Variants in GKAP1 observed in about 807,000 individuals in gnomAD.
GKAP1 encodes G kinase anchoring protein 1.
A neutral mutation model predicts 56.7 loss-of-function variants in GKAP1; 31 were observed. The observed-to-expected ratio is 0.55, with a 90% CI of 0.41 to 0.74. The LOEUF is 0.74. Among genes scored for constraint, GKAP1 ranks in the 30% least tolerant of loss-of-function variants. The pLI, the probability that GKAP1 is intolerant of heterozygous loss-of-function variation, is 0.00. For missense variants in GKAP1, 364 were observed against 402.3 expected (o/e 0.90, Z 0.82); for synonymous variants, 151 against 138.6 (o/e 1.09, Z -0.63).
At chr9:83,786,664 T>A (rs1944069220) in intron 5 of GKAP1, among the ~76,000 whole-genome samples, 1 of 152,214 alleles carries the variant, frequency 6.6e-6, no homozygotes, top group Admixed American at 6.5e-5. Context: ...TATTGAATAT[T>A]GACTTTTATC....
chr9:83,779,444 T>C (rs527641986), intron 7 of GKAP1, among the ~76,000 whole-genome samples: 1,395 of 82,730 alleles, frequency 0.017, 33 homozygotes, highest in East Asian at 0.032. Flanking sequence ...TATATATATA[T>C]ATATACACAC....
At chr9:83,776,424 G>A (rs889706702) in intron 7 of GKAP1, among the ~76,000 whole-genome samples, 4 of 152,156 alleles carry the variant, frequency 2.6e-5, no homozygotes, top group Non-Finnish European at 4.4e-5. Flanking sequence ...TTTAGGCCAG[G>A]TGCAGTGGCT....
At chr9:83,754,023 C>T (rs181595901) in intron 8 of GKAP1, among the ~76,000 whole-genome samples, 4 of 152,056 alleles carry the variant, frequency 2.6e-5, no homozygotes, top group East Asian at 3.9e-4. Context: ...TCAGGATAGA[C>T]GCAAACAAAA....
chr9:83,780,244 A>G (rs962706728), intron 7 of GKAP1, 138 bp downstream of exon 7: 2 of 539,176 alleles, frequency 3.7e-6, no homozygotes, highest in Non-Finnish European at 6.8e-6. Flanking sequence ...TGGCAGAAAC[A>G]TGACTGGGTT....
At chr9:83,774,521 G>C (rs1943818805) in intron 7 of GKAP1, among the ~76,000 whole-genome samples, 1 of 151,222 alleles carries the variant, frequency 6.6e-6, no homozygotes, top group Admixed American at 6.6e-5. Flanking sequence ...TTGAGCCTGG[G>C]AGGCAGAGGT....
chr9:83,784,723 T>C lies in GKAP1; in HGVS notation c.554A>G (p.His185Arg), dbSNP rs764047918. The stretch of plus-strand genomic sequence containing the variant: ...CATTGTATATACATTACCTTCCGAA[T>C]GAAAATCTTTTAGTGATACTGTGAG... Reference protein sequence around the residue: ...RPLTVSLKDFHSEDHISKKTE... With the variant: ...RPLTVSLKDFRSEDHISKKTE... Residue 185 changes from histidine to arginine, a missense_variant, in exon 6 of 13, where the codon CAT (histidine) becomes CGT (arginine). Coordinates refer to ENST00000376371, the MANE Select transcript of GKAP1 (RefSeq NM_025211.4). 1 of 1,588,826 alleles carries C rather than the reference T, an allele frequency of 6.3e-7. No individual in the cohort carries two copies. The highest frequency in any genetic ancestry group is 8.6e-7 in the Non-Finnish European group (1 of 1,168,022).
chr9:83,764,565 T>A (rs999174212), intron 8 of GKAP1, among the ~76,000 whole-genome samples: 1 of 151,776 alleles, frequency 6.6e-6, no homozygotes, highest in Non-Finnish European at 1.5e-5. Context: ...AATGTGGATA[T>A]GACTTTGGAA....
At chr9:83,797,944 AT>A (rs1267082047) in intron 4 of GKAP1, among the ~76,000 whole-genome samples, 1 of 152,174 alleles carries the variant, frequency 6.6e-6, no homozygotes, top group East Asian at 1.9e-4. Context: ...CATAATGAAT[AT>A]TTTATAAGAA....
chr9:83,816,091 A>G (rs1944586919), intron 2 of GKAP1, among the ~76,000 whole-genome samples: 1 of 151,266 alleles, frequency 6.6e-6, no homozygotes, highest in Non-Finnish European at 1.5e-5. Context: ...CAGGAGGCTG[A>G]GGCAGGAGAG....
intron 2 of GKAP1, among the ~76,000 whole-genome samples, chr9:83,813,566 G>GC (rs538975609): frequency 8.1e-4 from 124 of 152,232 alleles, no homozygotes; most frequent in African/African-American, 2.8e-3. Context: ...ACCAGCCCAG[G>GC]CAACATAGCA....
chr9:83,760,350 A>T (rs991081551), intron 8 of GKAP1, among the ~76,000 whole-genome samples: 11 of 152,202 alleles, frequency 7.2e-5, no homozygotes, highest in African/African-American at 2.7e-4. Context: ...CCAACACTGG[A>T]GCACCCAGAT....
intron 3 of GKAP1, among the ~76,000 whole-genome samples, chr9:83,804,906 C>T (rs893658685): frequency 2.6e-5 from 4 of 151,646 alleles, no homozygotes; most frequent in Admixed American, 1.3e-4. Flanking sequence ...CGCCTCTGCC[C>T]GGCCGCCCCT....
chr9:83,741,515 A>G (rs886692384), intron 12 of GKAP1, among the ~76,000 whole-genome samples: 2 of 152,154 alleles, frequency 1.3e-5, no homozygotes, highest in African/African-American at 4.8e-5. Context: ...AGGCACAAAT[A>G]TCAATGGATG....
intron 5 of GKAP1, among the ~76,000 whole-genome samples, chr9:83,787,527 C>T (rs1944085844): frequency 6.6e-6 from 1 of 152,186 alleles, no homozygotes; most frequent in Non-Finnish European, 1.5e-5. Flanking sequence ...TAATTATTCA[C>T]TTCTTTTCAT....
At chr9:83,812,326 CACACGTATATATAT>C (rs1026724244) in intron 2 of GKAP1, among the ~76,000 whole-genome samples, 4 of 146,380 alleles carry the variant, frequency 2.7e-5, no homozygotes, top group Non-Finnish European at 6.0e-5. Flanking sequence ...TGTATATATA[CACACGTATATATAT>C]ACACGTATAT....
At position 83,784,857 on chromosome 9, in the gene GKAP1, A is replaced by C; in HGVS notation, c.439-19T>G. On this transcript the variant is annotated intron_variant, in intron 5 of 12. Coordinates refer to ENST00000376371, the MANE Select transcript of GKAP1 (RefSeq NM_025211.4). The stretch of plus-strand genomic sequence containing the variant: ...CATACTCCTAAAAAGAATTACCAAC[A>C]ACAATTAAGTTCAGTTTACAAACTG... 2.0e-6 allele frequency: 3 copies of C among 1,513,024 alleles called. No homozygotes were observed. The highest frequency in any genetic ancestry group is 2.7e-6 in the Non-Finnish European group (3 of 1,121,888). The allele number at this position is 1,513,024 out of a possible 1,614,324, so 93.7% of individuals were successfully genotyped here.
intron 2 of GKAP1, among the ~76,000 whole-genome samples, chr9:83,810,313 G>C (rs1422073552): frequency 6.6e-6 from 1 of 152,086 alleles, no homozygotes; most frequent in Non-Finnish European, 1.5e-5. Context: ...GTCTAGATCA[G>C]GAACTGAATA....
chr9:83,803,645 C>A (rs1471591976), intron 3 of GKAP1, among the ~76,000 whole-genome samples: 5 of 152,154 alleles, frequency 3.3e-5, no homozygotes, highest in Non-Finnish European at 7.4e-5. Context: ...TCCCAAAGTG[C>A]CAAGATTGCA....
intron 6 of GKAP1, among the ~76,000 whole-genome samples, chr9:83,782,509 C>T (rs575703752): frequency 6.6e-6 from 1 of 151,728 alleles, no homozygotes; most frequent in African/African-American, 2.4e-5. Flanking sequence ...CAGGAATGCA[C>T]CACTACGCCC....
Sources: gnomAD v4.1 joint callset for allele counts (sites outside exome capture counted in the v4.1 genomes callset) on GRCh38, gnomAD v4.1.1 for gene constraint, MANE v1.5 for transcripts, NCBI Gene and HGNC (gene_info 2026-07-23, HGNC 2026-07-21) for gene names.